Variants in DGKH observed in about 807,000 individuals in gnomAD.
DGKH encodes diacylglycerol kinase eta.
Under a neutral mutation model 159.3 loss-of-function variants are expected in DGKH, and 90 were observed. The ratio of observed to expected loss-of-function variants is 0.57; its 90% confidence interval spans 0.48 to 0.67. The LOEUF is 0.67. Ranked by LOEUF, DGKH falls within the 30% of genes least tolerant of loss-of-function variation. The pLI is 0.00. For missense variants in DGKH, 1,181 were observed against 1,506.1 expected (o/e 0.78, Z 3.57); for synonymous variants, 536 against 553.8 (o/e 0.97, Z 0.45).
At chr13:42,047,631 T>G (rs774756720), upstream of DGKH, among the ~76,000 whole-genome samples, 34 of 152,186 alleles carry the variant, frequency 2.2e-4, no homozygotes, top group Admixed American at 2.2e-3. Context: ...CACAACCCGC[T>G]GCCAGTCCGC....
intron 3 of DGKH, among the ~76,000 whole-genome samples, chr13:42,135,012 A>T (rs1377754339): frequency 6.6e-6 from 1 of 152,072 alleles, no homozygotes; most frequent in Non-Finnish European, 1.5e-5. Flanking sequence ...ACAAATTTAT[A>T]TATATACTTG....
intron 3 of DGKH, among the ~76,000 whole-genome samples, chr13:42,142,612 G>A (rs1459658160): frequency 3.2e-4 from 48 of 151,784 alleles, no homozygotes; most frequent in Non-Finnish European, 6.0e-4. Flanking sequence ...GGTCCTTCAT[G>A]TCCCTTGTAA....
intron 1 of DGKH, among the ~76,000 whole-genome samples, chr13:42,117,514 C>T (rs2137816419): frequency 6.6e-6 from 1 of 152,250 alleles, no homozygotes; most frequent in South Asian, 2.1e-4. Context: ...CCAGCTAAAT[C>T]TTTTTAATCA....
intron 3 of DGKH, among the ~76,000 whole-genome samples, chr13:42,144,463 G>A (rs186003933): frequency 3.3e-5 from 5 of 152,194 alleles, no homozygotes; most frequent in Non-Finnish European, 7.4e-5. Flanking sequence ...GAGGTGGGTG[G>A]ATCACCTGAG....
chr13:42,204,171 C>T (rs1353260532), intron 20 of DGKH, among the ~76,000 whole-genome samples: 1 of 152,134 alleles, frequency 6.6e-6, no homozygotes, highest in Non-Finnish European at 1.5e-5. Flanking sequence ...TTTATATTTA[C>T]AGAGATAGTA....
rs989046566 is a variant in DGKH at position 42,190,479 on chromosome 13, A to G, written c.1989A>G (p.Glu663=). The part of the protein sequence containing the change: ...SSDYDSTETD[E]SKEEAKDDGA... ...ATTATGACAGCACAGAAACAGATGA[A>G]TCTAAGGAGGAAGCTAAAGATGATG... The change falls in exon 16 of 30, where the codon GAA becomes GAG. Residue 663 remains glutamate, a synonymous_variant. Transcript: ENST00000337343. 1 of 1,610,546 alleles carries G rather than the reference A, an allele frequency of 6.2e-7. No individual in the cohort carries two copies. The highest frequency in any genetic ancestry group is 8.5e-7 in the Non-Finnish European group (1 of 1,178,716).
chr13:42,235,861 A>C lies in DGKH; in HGVS notation c.*6673A>C, dbSNP rs1489868651. On this transcript the variant is annotated 3_prime_UTR_variant, in exon 30 of 30. Coordinates refer to ENST00000337343, the MANE Select transcript of DGKH (RefSeq NM_178009.5). ...CTTCCTCTTAAGTGAGATAAATCTCACTTTTATGTTAAAATGTCTATTTAT... is the reference window on the plus strand; with the variant it reads ...CTTCCTCTTAAGTGAGATAAATCTCCCTTTTATGTTAAAATGTCTATTTAT... The C allele has an allele frequency of 6.6e-6, 1 of 152,116 alleles. No homozygotes were observed. The highest frequency in any genetic ancestry group is 1.9e-4 in the East Asian group (1 of 5,204). The allele number at this position is 152,116 out of a possible 1,614,324, so 9.4% of individuals were successfully genotyped here. A position where few individuals can be genotyped will look rare whatever the true frequency, so the allele number is the denominator to read the frequency against.
intron 1 of DGKH, chr13:42,069,396 A>G: frequency 4.6e-6 from 7 of 1,532,748 alleles, no homozygotes; most frequent in Non-Finnish European, 6.2e-6. Flanking sequence ...TGACTTTGAT[A>G]TCAAACTTTT....
At chr13:42,221,152 C>T in intron 28 of DGKH, 112 bp from the exon 29 acceptor site, 1 of 1,396,002 alleles carries the variant, frequency 7.2e-7, no homozygotes. Context: ...TTAACCTTTT[C>T]TTTTGCTAGC....
chr13:42,089,622 A>G (rs1326686532), intron 1 of DGKH, among the ~76,000 whole-genome samples: 2 of 152,108 alleles, frequency 1.3e-5, no homozygotes, highest in Admixed American at 6.6e-5. Flanking sequence ...AACAGCAGCA[A>G]TATCTAATTT....
rs181214182 is a variant in DGKH at position 42,186,903 on chromosome 13, C to G, written c.1539-146C>G. On this transcript the variant is annotated intron_variant, in intron 13 of 29. Transcript: ENST00000337343. ...TCTTGGACTTATGTGAGACAAACTG[C>G]ACAGCAGATAGAAGCATAGATTTAT... The G allele has an allele frequency of 1.1e-5, 7 of 640,884 alleles. No homozygotes were observed. In the Admixed American group the frequency reaches 1.4e-4, roughly 13 times the overall value. The allele number at this position is 640,884 out of a possible 1,614,324, so 39.7% of individuals were successfully genotyped here.
intron 1 of DGKH, among the ~76,000 whole-genome samples, chr13:42,061,988 G>GGTGTGTGTGT (rs60863220): frequency 0.072 from 10,743 of 149,528 alleles, 423 homozygotes; most frequent in Middle Eastern, 0.15. Context: ...TGTGTGTGTG[G>GGTGTGTGTGT]GTGTGTGTGT....
In DGKH at chr13:42,166,537, GT is replaced by G. The variant is rs1649371726; in HGVS notation, c.983del (p.Phe328SerfsTer20). The G allele has an allele frequency of 1.3e-6, 2 of 1,554,916 alleles. No individual in the cohort carries two copies. Among genetic ancestry groups the G allele is most frequent in the Admixed American group, 3.8e-5 (2 of 52,600 alleles). Reference protein sequence around the residue: ...SDGFCRATFSFCVSPLLVFVN... With the variant: ...SDGFCRATFSXCVSPLLVFVN... ...CAGGTTTCTGTAGAGCAACATTTTC[GT>G]TCTGTGTTAGTCCTCTATTGGTTTT... On this transcript the variant is annotated frameshift_variant, in exon 9 of 30. Transcript: ENST00000337343. LOFTEE classifies it high-confidence loss of function.
intron 7 of DGKH, among the ~76,000 whole-genome samples, chr13:42,162,830 CTTT>C (rs34901359): frequency 7.4e-6 from 1 of 135,778 alleles, no homozygotes. Flanking sequence ...ACATGAGTTT[CTTT>C]TTTTTTTTTT....
At chr13:42,209,579 G>A in intron 23 of DGKH, 114 bp downstream of exon 23, 1 of 1,184,484 alleles carries the variant, frequency 8.4e-7, no homozygotes, top group Non-Finnish European at 1.1e-6. Flanking sequence ...CTGACATTTA[G>A]GTCATGGTGG....
intron 1 of DGKH, among the ~76,000 whole-genome samples, chr13:42,052,086 G>T (rs1035884415): frequency 3.9e-5 from 6 of 152,178 alleles, no homozygotes; most frequent in African/African-American, 1.4e-4. Context: ...CATTTAACCA[G>T]TTTTTTGCAG....
chr13:42,179,954 G>T (rs1956708905), intron 13 of DGKH, among the ~76,000 whole-genome samples: 1 of 152,178 alleles, frequency 6.6e-6, no homozygotes, highest in East Asian at 1.9e-4. Flanking sequence ...AAAAATATGT[G>T]AAATATATGA....
chr13:42,100,054 G>A (rs1414928461), intron 1 of DGKH, among the ~76,000 whole-genome samples: 1 of 152,180 alleles, frequency 6.6e-6, no homozygotes, highest in South Asian at 2.1e-4. Flanking sequence ...GAGGAACCAG[G>A]CCACACAGTA....
chr13:42,137,128 T>A (rs1955418038), intron 3 of DGKH, among the ~76,000 whole-genome samples: 1 of 152,178 alleles, frequency 6.6e-6, no homozygotes, highest in South Asian at 2.1e-4. Context: ...TTCATCTCTC[T>A]CTTAGAGGGA....
Sources: gnomAD v4.1 joint callset for allele counts (sites outside exome capture counted in the v4.1 genomes callset) on GRCh38, gnomAD v4.1.1 for gene constraint, MANE v1.5 for transcripts, NCBI Gene and HGNC (gene_info 2026-07-23, HGNC 2026-07-21) for gene names.